Variants in EML6 observed in about 807,000 individuals in gnomAD.
The protein encoded by EML6 is echinoderm microtubule-associated protein-like 6.
In EML6, 154 loss-of-function variants were observed where a neutral mutation model predicts 240.1. The observed-to-expected ratio is 0.64, with a 90% CI of 0.56 to 0.73. The LOEUF is 0.73. EML6 is among the 30% of genes least tolerant of loss of function. The pLI, the probability that EML6 is intolerant of heterozygous loss-of-function variation, is 0.00. For synonymous variants in EML6, 1,148 were observed against 899.0 expected (o/e 1.28, Z -4.95); for missense variants, 2,964 against 2,474.6 (o/e 1.20, Z -4.20).
intron 17 of EML6, among the ~76,000 whole-genome samples, chr2:54,886,957 C>T (rs1357712451): frequency 6.6e-6 from 1 of 152,082 alleles, no homozygotes; most frequent in Non-Finnish European, 1.5e-5. Flanking sequence ...CAGATGCAAG[C>T]AATAGGGGTA....
At chr2:54,761,406 T>A (rs1041447977) in intron 2 of EML6, among the ~76,000 whole-genome samples, 1 of 152,170 alleles carries the variant, frequency 6.6e-6, no homozygotes, top group Non-Finnish European at 1.5e-5. Context: ...TCCTTCAGTG[T>A]TTATAATTTC....
At chr2:54,925,288 T>A (rs1197448482) in intron 26 of EML6, among the ~76,000 whole-genome samples, 2 of 152,162 alleles carry the variant, frequency 1.3e-5, no homozygotes, top group Non-Finnish European at 2.9e-5. Flanking sequence ...GGCCAGCACC[T>A]TCATCTTGCC....
chr2:54,816,694 A>G, intron 3 of EML6, 93 bp from the exon 4 acceptor site: 1 of 990,016 alleles, frequency 1.0e-6, no homozygotes, highest in Non-Finnish European at 1.5e-6. Flanking sequence ...AAGAAATTCA[A>G]TGCCTAACCC....
chr2:54,756,923 C>T (rs1667758814), intron 2 of EML6, among the ~76,000 whole-genome samples: 1 of 151,934 alleles, frequency 6.6e-6, no homozygotes. Flanking sequence ...AGTTTTGAGA[C>T]CTCCTGGATC....
rs550557579 is a variant in EML6, at chr2:54,729,631, T to C, written c.197+4373T>C. Among the ~76,000 whole-genome samples the C allele has an allele frequency of 2.6e-5, 4 of 152,332 alleles. No individual in the cohort carries two copies. In the South Asian group the frequency reaches 6.2e-4, roughly 24 times the overall value. On this transcript the variant is annotated intron_variant, in intron 2 of 41. Transcript: ENST00000356458. ...GTGGAATGGGAATTGGAACCCAGAT[T>C]GGTCTGATTCCAAAGCTGCAAGCTT...
chr2:54,892,747 A>G, intron 19 of EML6, 91 bp downstream of exon 19: 2 of 904,754 alleles, frequency 2.2e-6, no homozygotes, highest in Non-Finnish European at 3.3e-6. Context: ...GCCTGTATCT[A>G]AAACAGGCCT....
chr2:54,823,381 G>C (rs1238015581), intron 5 of EML6, among the ~76,000 whole-genome samples: 1 of 152,098 alleles, frequency 6.6e-6, no homozygotes, highest in Non-Finnish European at 1.5e-5. Context: ...TGTGAGACTG[G>C]GGAGCTGGGT....
At chr2:54,913,071 G>GTA in intron 25 of EML6, among the ~76,000 whole-genome samples, 1 of 125,730 alleles carries the variant, frequency 8.0e-6, no homozygotes, top group East Asian at 2.3e-4. Flanking sequence ...GCCAGATTCT[G>GTA]TTTTTTTTTT....
In EML6 at chr2:54,782,212, C is replaced by A. The variant is rs182963997; in HGVS notation, c.198-31020C>A. ...TCTGTACGTATGTTAAATTTTACTT[C>A]ATTGTTAATCTTCTTTGTTGATTAG... On this transcript the variant is annotated intron_variant, in intron 2 of 41. Transcript: ENST00000356458. 8.4e-3 allele frequency among the ~76,000 whole-genome samples: 1,284 copies of A among 152,288 alleles called. 19 individuals are homozygous for A. Among genetic ancestry groups the A allele is most frequent in the Middle Eastern group, 0.014 (4 of 292 alleles).
At position 54,968,213 on chromosome 2, in the gene EML6, C is replaced by T; in HGVS notation, c.5683C>T (p.Leu1895=). Residue 1895 remains leucine (L), a synonymous_variant, in exon 40 of 42, where the codon CTG becomes TTG. Transcript: ENST00000356458. The part of the protein sequence containing the change: ...VNCACVTHAG[L]NIVTGDDFGL... ...CTGCGCATGTGTGACCCACGCTGGC[C>T]TGAACATTGTCACAGGAGATGACTT... is the stretch of plus-strand genomic sequence containing the variant. 16 of 1,551,756 alleles carry T rather than the reference C, an allele frequency of 1.0e-5. No individual in the cohort carries two copies. The highest frequency in any genetic ancestry group is 1.4e-5 in the Non-Finnish European group (16 of 1,147,006).
chr2:54,967,438 G>C (rs1264737080), intron 39 of EML6, among the ~76,000 whole-genome samples: 1 of 152,146 alleles, frequency 6.6e-6, no homozygotes, highest in African/African-American at 2.4e-5. Flanking sequence ...GAAGGGAGTG[G>C]GAGGGCCAGA....
Position 54,962,522 on chromosome 2 carries a change from G to A in EML6, c.4969-1G>A. On this transcript the variant is annotated splice_acceptor_variant, in intron 35 of 41. Transcript: ENST00000356458. LOFTEE classifies it high-confidence loss of function. ...TTCTAATAGTGTTTCAATTACAACA[G>A]GGAAAAATCTTAGTGGGAACCAAAG... 6.5e-7 allele frequency: 1 copy of A among 1,541,440 alleles called. No homozygotes were observed. The highest frequency in any genetic ancestry group is 8.8e-7 in the Non-Finnish European group (1 of 1,141,922).
At chr2:54,927,254 A>G (rs1280768730) in intron 26 of EML6, among the ~76,000 whole-genome samples, 1 of 152,184 alleles carries the variant, frequency 6.6e-6, no homozygotes, top group East Asian at 1.9e-4. Context: ...AGTTGGCCAA[A>G]TACAGGGCGA....
chr2:54,958,978 A>T, intron 33 of EML6, 126 bp from the exon 34 acceptor site: 3 of 869,496 alleles, frequency 3.5e-6, no homozygotes, highest in Non-Finnish European at 5.1e-6. Context: ...TTTCCTTAGC[A>T]CAAAGAGATC....
chr2:54,958,052 G>A (rs1257292832), intron 33 of EML6, 54 bp downstream of exon 33: 15 of 1,433,466 alleles, frequency 1.0e-5, no homozygotes, highest in Non-Finnish European at 1.3e-5. Flanking sequence ...CTGGGCATGG[G>A]CATGGGCATG....
chr2:54,967,452 CG>C lies in EML6; in HGVS notation c.5597+351del, dbSNP rs1676798907. 4.6e-5 allele frequency among the ~76,000 whole-genome samples: 7 copies of C among 152,236 alleles called. No homozygotes were observed. In the South Asian group the frequency reaches 1.5e-3, roughly 32 times the overall value. On this transcript the variant is annotated intron_variant, in intron 39 of 41. Coordinates refer to ENST00000356458, the MANE Select transcript of EML6 (RefSeq NM_001039753.4). Reference sequence around the variant, plus strand: ...GGAAGGGAGTGGGAGGGCCAGACCCCGGCTTAGCAGGATGAGAAACAATGGC... The same window carrying C: ...GGAAGGGAGTGGGAGGGCCAGACCCCGCTTAGCAGGATGAGAAACAATGGC...
At chr2:54,911,929 G>GCGTA (rs1310477215) in intron 25 of EML6, among the ~76,000 whole-genome samples, 1 of 152,196 alleles carries the variant, frequency 6.6e-6, no homozygotes, top group Non-Finnish European at 1.5e-5. Flanking sequence ...TTTTGTAGAT[G>GCGTA]CGTACCTCTT....
At chr2:54,827,234 T>TA (rs1356442307) in intron 5 of EML6, among the ~76,000 whole-genome samples, 5 of 152,216 alleles carry the variant, frequency 3.3e-5, no homozygotes, top group African/African-American at 7.2e-5. Context: ...TATAACTTGA[T>TA]AAAAAACTAA....
At chr2:54,817,015 C>T (rs1353010008) in intron 4 of EML6, 130 bp downstream of exon 4, 6 of 607,888 alleles carry the variant, frequency 9.9e-6, no homozygotes, top group African/African-American at 9.2e-5. Context: ...AACTTATAAT[C>T]ATCCTCTTTT....
Sources: allele counts gnomAD v4.1 joint callset (sites outside exome capture counted in the v4.1 genomes callset), GRCh38; gene constraint gnomAD v4.1.1; transcripts MANE v1.5; gene names NCBI Gene and HGNC (gene_info 2026-07-23, HGNC 2026-07-21).